FOXP2: variants seen among roughly 807,000 people sequenced by gnomAD.
FOXP2 encodes forkhead box P2, also known as forkhead box protein P2.
FOXP2 carries 12 observed loss-of-function variants against 115.8 expected under a neutral mutation model. That is an observed-to-expected ratio of 0.10 (90% CI 0.07 to 0.17). The LOEUF (loss-of-function observed/expected upper bound fraction) is 0.17. FOXP2 is among the 10% of genes least tolerant of loss of function. The pLI is 1.00. For missense variants in FOXP2, 629 were observed against 843.5 expected (o/e 0.75, Z 3.15); for synonymous variants, 328 against 297.7 (o/e 1.10, Z -1.05).
At chr7:114,499,003 G>A (rs749681175) in intron 2 of FOXP2, 5 of 712,516 alleles carry the variant, frequency 7.0e-6, no homozygotes, top group African/African-American at 1.8e-5. Context: ...CAGCATCACC[G>A]GGAACTTGTT....
chr7:114,687,098 T>A (rs1808406753), intron 16 of FOXP2, among the ~76,000 whole-genome samples: 2 of 152,084 alleles, frequency 1.3e-5, no homozygotes, highest in African/African-American at 4.8e-5. Flanking sequence ...GTGATAAGAG[T>A]TTCCTAAATA....
At chr7:114,672,079 C>A in intron 16 of FOXP2, among the ~76,000 whole-genome samples, 1 of 152,224 alleles carries the variant, frequency 6.6e-6, no homozygotes, top group African/African-American at 2.4e-5. Context: ...TGAAAACTAA[C>A]ATTGTTTAGT....
At chr7:114,608,069 A>G (rs28583002) in intron 3 of FOXP2, among the ~76,000 whole-genome samples, 19,835 of 152,246 alleles carry the variant, frequency 0.13, 1,562 homozygotes, top group African/African-American at 0.22. Context: ...GGCTTGGGCC[A>G]TATCTACACA....
At chr7:114,632,544 A>C (rs1162337349) in intron 6 of FOXP2, among the ~76,000 whole-genome samples, 1 of 152,226 alleles carries the variant, frequency 6.6e-6, no homozygotes, top group African/African-American at 2.4e-5. Flanking sequence ...AATGTACATT[A>C]ATTCAAATTA....
intron 2 of FOXP2, among the ~76,000 whole-genome samples, chr7:114,390,844 A>G (rs1405574584): frequency 6.6e-6 from 1 of 151,972 alleles, no homozygotes; most frequent in Non-Finnish European, 1.5e-5. Flanking sequence ...GATGTGGGCC[A>G]CCTTACCCAG....
chr7:114,474,496 G>A (rs182919360), intron 2 of FOXP2, among the ~76,000 whole-genome samples: 241 of 152,144 alleles, frequency 1.6e-3, no homozygotes, highest in African/African-American at 2.4e-3. Context: ...TATTATTCTC[G>A]TTGTAAACCA....
intron 2 of FOXP2, among the ~76,000 whole-genome samples, chr7:114,498,185 A>G (rs1327483047): frequency 6.6e-6 from 1 of 152,186 alleles, no homozygotes; most frequent in African/African-American, 2.4e-5. Flanking sequence ...AATGGGAGGA[A>G]AAGACTGCAA....
chr7:114,294,758 T>A (rs977477445), intron 2 of FOXP2, among the ~76,000 whole-genome samples: 1 of 151,960 alleles, frequency 6.6e-6, no homozygotes, highest in Admixed American at 6.6e-5. Context: ...GGAGAATCAC[T>A]TGAACCCGGG....
At chr7:114,403,349 T>G (rs1000266914) in intron 2 of FOXP2, among the ~76,000 whole-genome samples, 2 of 152,048 alleles carry the variant, frequency 1.3e-5, no homozygotes, top group African/African-American at 4.8e-5. Context: ...AGAATTGATA[T>G]GAGATTGTAT....
chr7:114,491,800 G>A (rs933675945), intron 2 of FOXP2, among the ~76,000 whole-genome samples: 1 of 152,102 alleles, frequency 6.6e-6, no homozygotes, highest in Non-Finnish European at 1.5e-5. Context: ...ATGTGCTGCT[G>A]GATTCGGTTT....
At chr7:114,268,567 G>A (rs1795956327) in intron 1 of FOXP2, among the ~76,000 whole-genome samples, 1 of 152,102 alleles carries the variant, frequency 6.6e-6, no homozygotes, top group African/African-American at 2.4e-5. Flanking sequence ...GGCAAGTTAG[G>A]ATAGTGAGAT....
At chr7:114,283,895 G>A (rs1363061057) in intron 1 of FOXP2, among the ~76,000 whole-genome samples, 1 of 152,030 alleles carries the variant, frequency 6.6e-6, no homozygotes, top group Non-Finnish European at 1.5e-5. Flanking sequence ...CCTGGGAATT[G>A]GAGACTGTAA....
At chr7:114,474,778 T>G (rs1796185336) in intron 2 of FOXP2, among the ~76,000 whole-genome samples, 1 of 152,150 alleles carries the variant, frequency 6.6e-6, no homozygotes, top group Non-Finnish European at 1.5e-5. Flanking sequence ...TATTTATATC[T>G]ACTTTTTCCA....
In FOXP2 at chr7:114,541,788, C is replaced by T. The variant is rs187585927; in HGVS notation, c.258+7082C>T. ...TTCGCTTTTCTTAGCTACCCAAGCA[C>T]TTGCTTCTTTCTGTAATCCATTAGG... On this transcript the variant is annotated intron_variant, in intron 3 of 16. Transcript: ENST00000350908. 3.5e-3 allele frequency among the ~76,000 whole-genome samples: 528 copies of T among 151,318 alleles called. 2 individuals are homozygous for T. The highest frequency in any genetic ancestry group is 6.8e-3 in the Middle Eastern group (2 of 292).
intron 2 of FOXP2, among the ~76,000 whole-genome samples, chr7:114,288,767 A>T (rs1455118717): frequency 6.6e-6 from 1 of 151,872 alleles, no homozygotes; most frequent in African/African-American, 2.4e-5. Context: ...TTGAACTGTA[A>T]TATCAATCAA....
intron 3 of FOXP2, among the ~76,000 whole-genome samples, chr7:114,576,542 T>G (rs1210620936): frequency 1.3e-5 from 2 of 151,868 alleles, no homozygotes. Flanking sequence ...TGGCAGAAAT[T>G]GGGGGCTGAT....
At chr7:114,147,329 T>C (rs2129148185) in intron 1 of FOXP2, among the ~76,000 whole-genome samples, 1 of 152,350 alleles carries the variant, frequency 6.6e-6, no homozygotes. Context: ...CCAGAATTTC[T>C]CTTCTGCAGG....
chr7:114,505,483 T>C (rs1797761181), intron 2 of FOXP2, among the ~76,000 whole-genome samples: 1 of 151,446 alleles, frequency 6.6e-6, no homozygotes, highest in Admixed American at 6.6e-5. Flanking sequence ...TTTAATTTTA[T>C]ATGCATATTT....
intron 3 of FOXP2, among the ~76,000 whole-genome samples, chr7:114,578,441 GA>G (rs947057699): frequency 4.3e-4 from 65 of 151,842 alleles, no homozygotes; most frequent in Middle Eastern, 3.4e-3. Context: ...TTTTACAATT[GA>G]AAAAAAGTGT....
Sources: gnomAD v4.1 joint callset for allele counts (sites outside exome capture counted in the v4.1 genomes callset) on GRCh38, gnomAD v4.1.1 for gene constraint, MANE v1.5 for transcripts, NCBI Gene and HGNC (gene_info 2026-07-23, HGNC 2026-07-21) for gene names.